Variants in TNNI3K observed in about 807,000 individuals in gnomAD.
The protein encoded by TNNI3K is TNNI3 interacting kinase.
Under a neutral mutation model 114.5 loss-of-function variants are expected in TNNI3K, and 140 were observed. That is an observed-to-expected ratio of 1.22 (90% confidence interval 1.07 to 1.41). The LOEUF (loss-of-function observed/expected upper bound fraction) is 1.41, where lower values mean the gene tolerates loss of function less well. Among genes scored for constraint, TNNI3K ranks in the 40% most tolerant of loss-of-function variants. The pLI is 0.00. For missense variants in TNNI3K, 1,125 were observed against 1,007.6 expected (o/e 1.12, Z -1.58); for synonymous variants, 347 against 347.5 (o/e 1.00, Z 0.02).
At chr1:74,320,892 G>A (rs562848931) in intron 5 of TNNI3K, among the ~76,000 whole-genome samples, 1 of 152,144 alleles carries the variant, frequency 6.6e-6, no homozygotes, top group Middle Eastern at 3.2e-3. Flanking sequence ...GAGTAGGGGG[G>A]AGGAAAGTCA....
chr1:74,465,645 G>T (rs560380662), intron 21 of TNNI3K, among the ~76,000 whole-genome samples: 1 of 152,216 alleles, frequency 6.6e-6, no homozygotes, highest in Non-Finnish European at 1.5e-5. Context: ...GAGTGCAGGC[G>T]CATGATGCAG....
intron 20 of TNNI3K, among the ~76,000 whole-genome samples, chr1:74,443,571 A>C (rs1666482235): frequency 6.6e-6 from 1 of 152,196 alleles, no homozygotes; most frequent in South Asian, 2.1e-4. Context: ...ACTGAATTCT[A>C]CCTGAGGTAC....
Position 74,386,332 on chromosome 1 carries a change from G to GA in TNNI3K, c.1772+15951dup, listed in dbSNP as rs45515995. Among the ~76,000 whole-genome samples the GA allele has an allele frequency of 4.3e-3, 610 of 143,204 alleles. 6 individuals carry two copies. Among genetic ancestry groups the GA allele is most frequent in the African/African-American group, 0.012 (482 of 39,358 alleles). 93.9% of individuals were successfully genotyped at this position (143,204 alleles called of 152,430 possible). On this transcript the variant is annotated intron_variant, in intron 17 of 24. Transcript: ENST00000326637. ...AACTGGCAGATATAACATCTGAAAA[G>GA]AAAAAAAAAAATACCCTAAAATCAT...
chr1:74,415,972 A>T (rs1215339322), intron 17 of TNNI3K, among the ~76,000 whole-genome samples: 1 of 152,182 alleles, frequency 6.6e-6, no homozygotes, highest in Non-Finnish European at 1.5e-5. Flanking sequence ...TTGTGGACAC[A>T]AAGAACAGAA....
At chr1:74,294,735 T>G (rs1657879652) in intron 5 of TNNI3K, among the ~76,000 whole-genome samples, 1 of 152,092 alleles carries the variant, frequency 6.6e-6, no homozygotes, top group Non-Finnish European at 1.5e-5. Context: ...AATAATGATC[T>G]TTTTCATTAC....
At chr1:74,436,785 G>T (rs961568902) in intron 19 of TNNI3K, among the ~76,000 whole-genome samples, 1 of 151,986 alleles carries the variant, frequency 6.6e-6, no homozygotes, top group Non-Finnish European at 1.5e-5. Context: ...TAACTGAAAA[G>T]AACGTTGTGG....
intron 17 of TNNI3K, among the ~76,000 whole-genome samples, chr1:74,417,715 TG>T (rs1665192046): frequency 6.7e-6 from 1 of 149,174 alleles, no homozygotes; most frequent in East Asian, 2.0e-4. Context: ...TGTGTGTGTG[TG>T]TGTGTGTGTG....
At chr1:74,534,175 G>C (rs1269815730) in intron 23 of TNNI3K, among the ~76,000 whole-genome samples, 1 of 151,514 alleles carries the variant, frequency 6.6e-6, no homozygotes, top group East Asian at 2.0e-4. Context: ...GTAATGTTCT[G>C]GGTCTCTTTA....
intron 23 of TNNI3K, among the ~76,000 whole-genome samples, chr1:74,518,783 T>G (rs1646385487): frequency 6.6e-6 from 1 of 152,052 alleles, no homozygotes; most frequent in Non-Finnish European, 1.5e-5. Context: ...AAAACAACAT[T>G]TACAAATATG....
rs771308572 is a variant in TNNI3K, at chr1:74,492,183, C to A, written c.2268C>A (p.Gly756=). Residue 756 remains glycine, a synonymous_variant, in exon 23 of 25, where the codon GGC becomes GGA. Transcript: ENST00000326637. ...SDCLVNRGGP[G]RSHVAALRSR... Reference sequence around the variant, plus strand: ...GCCTGGTGAACCGGGGAGGACCTGGCCGGAGTCATGTGGCAGCATTAAGAA... The same window carrying A: ...GCCTGGTGAACCGGGGAGGACCTGGACGGAGTCATGTGGCAGCATTAAGAA... 6.2e-7 allele frequency: 1 copy of A among 1,612,990 alleles called. No homozygotes were observed. Among genetic ancestry groups the A allele is most frequent in the East Asian group, 2.2e-5 (1 of 44,862 alleles).
chr1:74,520,302 A>G (rs964749808), intron 23 of TNNI3K, among the ~76,000 whole-genome samples: 4 of 152,162 alleles, frequency 2.6e-5, no homozygotes, highest in Non-Finnish European at 5.9e-5. Flanking sequence ...TATGGCATTT[A>G]AATACACGTA....
intron 5 of TNNI3K, among the ~76,000 whole-genome samples, chr1:74,299,603 G>C (rs919545032): frequency 3.9e-5 from 6 of 152,104 alleles, no homozygotes; most frequent in African/African-American, 1.4e-4. Context: ...TAACTGCAAA[G>C]ATAGGTGGTA....
chr1:74,475,615 A>G (rs749956371), intron 21 of TNNI3K: 2 of 717,284 alleles, frequency 2.8e-6, no homozygotes, highest in Non-Finnish European at 2.6e-6. Flanking sequence ...CACAGTGGAC[A>G]TGACCTTTAT....
At chr1:74,497,798 A>C (rs992877184) in intron 23 of TNNI3K, among the ~76,000 whole-genome samples, 1 of 152,164 alleles carries the variant, frequency 6.6e-6, no homozygotes, top group East Asian at 1.9e-4. Context: ...ATTTGCATTA[A>C]AACCTTCAAT....
intron 5 of TNNI3K, among the ~76,000 whole-genome samples, chr1:74,301,209 G>A (rs1478328958): frequency 6.6e-6 from 1 of 152,102 alleles, no homozygotes; most frequent in Non-Finnish European, 1.5e-5. Flanking sequence ...AGATCATCCT[G>A]GCCAACATGG....
intron 22 of TNNI3K, among the ~76,000 whole-genome samples, chr1:74,489,454 A>G (rs1232301982): frequency 6.6e-6 from 1 of 152,180 alleles, no homozygotes; most frequent in Non-Finnish European, 1.5e-5. Flanking sequence ...TGAATTCGAG[A>G]CCTTCCAACA....
At chr1:74,441,837 AGATTATAGG>A (rs1666387215) in intron 20 of TNNI3K, among the ~76,000 whole-genome samples, 1 of 152,068 alleles carries the variant, frequency 6.6e-6, no homozygotes, top group Non-Finnish European at 1.5e-5. Flanking sequence ...AAGAGTTCTT[AGATTATAGG>A]GATTATAGGG....
chr1:74,494,381 G>A (rs1049047729), intron 23 of TNNI3K, among the ~76,000 whole-genome samples: 6 of 152,244 alleles, frequency 3.9e-5, no homozygotes, highest in African/African-American at 9.6e-5. Context: ...ACTCTGATTC[G>A]TGAAGTCTTT....
intron 17 of TNNI3K, among the ~76,000 whole-genome samples, chr1:74,380,847 G>C (rs1663166386): frequency 6.6e-6 from 1 of 152,040 alleles, no homozygotes; most frequent in African/African-American, 2.4e-5. Flanking sequence ...TTCAACCCTT[G>C]CTTGCTGAGA....
Sources: gnomAD v4.1 joint callset for allele counts (sites outside exome capture counted in the v4.1 genomes callset) on GRCh38, gnomAD v4.1.1 for gene constraint, MANE v1.5 for transcripts, NCBI Gene and HGNC (gene_info 2026-07-23, HGNC 2026-07-21) for gene names.